Variants in FASN observed in about 807,000 individuals in gnomAD.
The protein encoded by FASN is fatty acid synthase.
A neutral mutation model predicts 250.0 loss-of-function variants in FASN; 50 were observed. The observed-to-expected ratio is 0.20, with a 90% CI of 0.16 to 0.25. FASN has a LOEUF of 0.25. Ranked by LOEUF, FASN falls within the 10% of genes least tolerant of loss-of-function variation. FASN has a pLI of 1.00. For synonymous variants in FASN, 1,909 were observed against 1,584.0 expected, an observed-to-expected ratio of 1.21 and a Z score of -4.87; for missense variants, 3,031 against 3,498.5, an observed-to-expected ratio of 0.87 and a Z score of 3.37.
chr17:82,087,895 C>T (rs201797623), intron 18 of FASN, 34 bp from the exon 19 acceptor site: 82 of 1,612,374 alleles, frequency 5.1e-5, no homozygotes, highest in African/African-American at 1.9e-4. Context: ...GGCCTGAGGA[C>T]GGGCGGCATG....
Position 82,092,521 on chromosome 17 carries a change from G to C in FASN, c.963C>G (p.Leu321=). 1 of 1,605,136 alleles carries C rather than the reference G, an allele frequency of 6.2e-7. No homozygotes were observed. The highest frequency in any genetic ancestry group is 1.1e-5 in the South Asian group (1 of 90,150). Residue 321 remains leucine, a synonymous_variant, in exon 8 of 43, where the codon CTC becomes CTG. Transcript: ENST00000306749. ...ALCATRQEPL[L]IGSTKSNMGH... is the part of the protein sequence containing the mutation. ...CCATGTTGGACTTGGTGGAGCCGATGAGCAGCGGCTCCTGGCGGGTGGCGC... is the reference window on the plus strand; with the variant it reads ...CCATGTTGGACTTGGTGGAGCCGATCAGCAGCGGCTCCTGGCGGGTGGCGC...
rs546448772 is a variant in FASN, at chr17:82,084,414, G to A, written c.4769-30C>T. 65 of 1,593,516 alleles carry A rather than the reference G, an allele frequency of 4.1e-5. 1 individual carries two copies. The South Asian group carries it at 4.9e-4, about 12-fold the overall frequency. ...GGGAGACGGCACTGAGCCCCTCACC[G>A]CCTGCCCTTCCCTCCCGAGGGGCTC... is the stretch of plus-strand genomic sequence containing the variant. On this transcript the variant is annotated intron_variant, in intron 27 of 42. Coordinates refer to ENST00000306749, the MANE Select transcript of FASN (RefSeq NM_004104.5).
In FASN at chr17:82,083,176, C is replaced by T. The variant is rs200963051; in HGVS notation, c.5565+26G>A. ...CCTGGGGACCAGAGCCTGGGGTGCC[C>T]GAGGCGCCGGGACTCCTCCCCTCAC... On this transcript the variant is annotated intron_variant, in intron 32 of 42. Coordinates refer to ENST00000306749, the MANE Select transcript of FASN (RefSeq NM_004104.5). 4.1e-5 allele frequency: 66 copies of T among 1,611,586 alleles called. No homozygotes were observed. The African/African-American group carries it at 5.2e-4, about 13-fold the overall frequency.
In FASN at chr17:82,083,029, G is replaced by C. The variant is rs199979735; in HGVS notation, c.5652C>G (p.His1884Gln). The C allele has an allele frequency of 1.2e-6, 2 of 1,612,932 alleles. No homozygotes were observed. The highest frequency in any genetic ancestry group is 3.3e-5 in the Admixed American group (2 of 60,024). The change falls in exon 33 of 43, where the codon CAC (histidine) becomes CAG (glutamine). Residue 1884 changes from histidine (H) to glutamine (Q), a missense_variant. Transcript: ENST00000306749. The stretch of plus-strand genomic sequence containing the variant: ...GACCACCAGCGATGATGTAGCTCTT[G>C]TGGGCCGGGCAGAAGGTCTTGGAGA... Reference protein sequence around the residue: ...SAISKTFCPAHKSYIIAGGLG... With the variant: ...SAISKTFCPAQKSYIIAGGLG...
chr17:82,085,843 G>A lies in FASN; in HGVS notation c.3761C>T (p.Ser1254Phe). 1.9e-6 allele frequency: 3 copies of A among 1,552,678 alleles called. No homozygotes were observed. Among genetic ancestry groups the A allele is most frequent in the Non-Finnish European group, 1.7e-6 (2 of 1,154,382 alleles). ...EVLAGHGHLY[S>F]RIPGLLSPHP... Reference sequence around the variant, plus strand: ...GGGGCTGAGCAGGCCTGGGATGCGGGAATACAGGTGACCGTGGCCAGCCAG... The same window carrying A: ...GGGGCTGAGCAGGCCTGGGATGCGGAAATACAGGTGACCGTGGCCAGCCAG... The change falls in exon 23 of 43, where the codon TCC becomes TTC. Residue 1254 changes from serine (S) to phenylalanine (F), a missense_variant. Transcript: ENST00000306749.
rs544116029 is a variant in FASN, at chr17:82,089,047, A to G, written c.2226T>C (p.Pro742=). The change falls in exon 14 of 43, where the codon CCT becomes CCC. Residue 742 remains proline, a synonymous_variant. Coordinates refer to ENST00000306749, the MANE Select transcript of FASN (RefSeq NM_004104.5). ...AEYNVNNLVS[P]VLFQEALWHV... ...GCCACAGGGCCTCCTGGAACAGCAC[A>G]GGGCTCACCAGGTTGTTGACATTGT... 9 of 1,602,850 alleles carry G rather than the reference A, an allele frequency of 5.6e-6. No individual in the cohort carries two copies. Among genetic ancestry groups the G allele is most frequent in the East Asian group, 2.3e-5 (1 of 43,974 alleles).
chr17:82,086,632 A>G (rs1327680069), intron 21 of FASN, 74 bp from the exon 22 acceptor site: 1 of 1,163,396 alleles, frequency 8.6e-7, no homozygotes, highest in Non-Finnish European at 1.3e-6. Context: ...TCTCAGACCC[A>G]CTCTGTCCTT....
intron 13 of FASN, 38 bp from the exon 14 acceptor site, chr17:82,089,210 C>T (rs755055616): frequency 1.2e-6 from 2 of 1,606,526 alleles, no homozygotes; most frequent in South Asian, 1.1e-5. Context: ...GTTGTGGGTC[C>T]CCTGGCCCGC....
Position 82,082,388 on chromosome 17 carries a change from G to T in FASN, c.5946C>A (p.Asn1982Lys). Residue 1982 changes from asparagine (N) to lysine (K), a missense_variant, in exon 35 of 43, where the codon AAC becomes AAA. Asn to Lys is a moderately conservative substitution (Grantham distance 94). Transcript: ENST00000306749. ...AVVLRDGLLENQTPEFFQDVC... is the reference protein window; with the variant it reads ...AVVLRDGLLEKQTPEFFQDVC... ...CGTCCTGGAAGAACTCTGGGGTCTGGTTCTCCAGCAAGCCATCTCTCAAGA... is the reference window on the plus strand; with the variant it reads ...CGTCCTGGAAGAACTCTGGGGTCTGTTTCTCCAGCAAGCCATCTCTCAAGA... 2 of 1,612,868 alleles carry T rather than the reference G, an allele frequency of 1.2e-6. No homozygotes were observed. The highest frequency in any genetic ancestry group is 1.7e-6 in the Non-Finnish European group (2 of 1,179,990).
At chr17:82,080,050 C>A in intron 41 of FASN, 90 bp downstream of exon 41, 2 of 1,385,608 alleles carry the variant, frequency 1.4e-6, no homozygotes, top group African/African-American at 1.4e-5. Context: ...GCCTTTAACG[C>A]TCTTCGCGTC....
Position 82,089,058 on chromosome 17 carries a change from G to A in FASN, c.2215C>T (p.Leu739=), listed in dbSNP as rs1394327802. 6.2e-7 allele frequency: 1 copy of A among 1,600,554 alleles called. No individual in the cohort carries two copies. Among genetic ancestry groups the A allele is most frequent in the South Asian group, 1.1e-5 (1 of 89,192 alleles). ...TSSAEYNVNN[L]VSPVLFQEAL... is the part of the protein sequence containing the mutation. ...TCCTGGAACAGCACAGGGCTCACCA[G>A]GTTGTTGACATTGTACTCGGCGGAG... Residue 739 remains leucine, a synonymous_variant, in exon 14 of 43, where the codon CTG becomes TTG. Transcript: ENST00000306749.
Position 82,084,020 on chromosome 17 carries a change from T to C in FASN, c.5053A>G (p.Ile1685Val), listed in dbSNP as rs899592172. 204 of 1,539,734 alleles carry C rather than the reference T, an allele frequency of 1.3e-4. No homozygotes were observed. The highest frequency in any genetic ancestry group is 1.7e-4 in the Non-Finnish European group (196 of 1,145,442). Residue 1685 changes from isoleucine (I) to valine (V), a missense_variant, in exon 29 of 43, where the codon ATC (isoleucine) becomes GTC (valine). Ile to Val is a conservative substitution (Grantham distance 29, BLOSUM62 3). Coordinates refer to ENST00000306749, the MANE Select transcript of FASN (RefSeq NM_004104.5). ...CAGCCCAGACTGAGGGCGATGGCGA[T>C]GGCGGCCTGGCCCACGCCGCCCGAG... The part of the protein sequence containing the change: ...SGSGGVGQAA[I>V]AIALSLGCRV...
rs1183232681 is a variant in FASN at position 82,078,668 on chromosome 17, C to T, written c.*475G>A. On this transcript the variant is annotated 3_prime_UTR_variant, in exon 43 of 43. Transcript: ENST00000306749. This position sits in a 1 kb window ranked among gnomAD's most constrained non-coding sequence, Gnocchi z 5.4. ...TCAGCGGGCTGAGCCAATGCCTGGC[C>T]GAGAGGGGGCCGCAGCCAGCAGGCT... 1.7e-5 allele frequency: 4 copies of T among 238,110 alleles called. No homozygotes were observed. Among genetic ancestry groups the T allele is most frequent in the East Asian group, 1.1e-4 (1 of 8,820 alleles). 14.7% of individuals were successfully genotyped at this position (238,110 alleles called of 1,614,324 possible).
Position 82,089,636 on chromosome 17 carries a change from G to A in FASN, c.1961C>T (p.Pro654Leu), listed in dbSNP as rs2034166994. The A allele has an allele frequency of 6.9e-6, 11 of 1,599,606 alleles. No individual in the cohort carries two copies. Among genetic ancestry groups the A allele is most frequent in the Non-Finnish European group, 8.5e-6 (10 of 1,173,956 alleles). Residue 654 changes from proline to leucine, a missense_variant, in exon 12 of 43, where the codon CCT (proline) becomes CTT (leucine). By Grantham distance (98) the Pro-to-Leu change is moderately conservative. Transcript: ENST00000306749. ...CGCCCAGGCCGCAGCACCCACCTGA[G>A]GTCCCGAGATGGTGACTGTGTCCTT... Reference protein sequence around the residue: ...NSKDTVTISGPQAPVFEFVEQ... With the variant: ...NSKDTVTISGLQAPVFEFVEQ...
chr17:82,087,664 A>G (rs760189391), intron 19 of FASN, 21 bp downstream of exon 19: 2 of 1,609,812 alleles, frequency 1.2e-6, no homozygotes, highest in South Asian at 1.1e-5. Flanking sequence ...TGGCTTGGGC[A>G]GCAGTGTAGT....
rs2033983057 is a variant in FASN at position 82,081,319 on chromosome 17, C to T, written c.6440G>A (p.Ser2147Asn). The T allele has an allele frequency of 6.4e-7, 1 of 1,557,502 alleles. No homozygotes were observed. Among genetic ancestry groups the T allele is most frequent in the South Asian group, 1.2e-5 (1 of 84,958 alleles). The change falls in exon 38 of 43, where the codon AGC (serine) becomes AAC (asparagine). Residue 2147 changes from serine (S) to asparagine (N), a missense_variant. By Grantham distance (46) the Ser-to-Asn change is conservative. Transcript: ENST00000306749. ...GTCCAGGCCCAGGTCCGCCAGTGAG[C>T]TGTCCAGGTTGACAGCAGCCAAGTC... ...IRDLAAVNLD[S>N]SLADLGLDSL...
At chr17:82,095,914 G>T (rs2034294860) in intron 2 of FASN, among the ~76,000 whole-genome samples, 1 of 152,226 alleles carries the variant, frequency 6.6e-6, no homozygotes, top group African/African-American at 2.4e-5. Flanking sequence ...ACAGGCAGGG[G>T]CAGCCTGGCC....
intron 42 of FASN, 25 bp from the exon 43 acceptor site, chr17:82,079,305 G>A (rs368169685): frequency 1.4e-5 from 23 of 1,612,870 alleles, no homozygotes; most frequent in South Asian, 5.5e-5. Flanking sequence ...ATCAGCTGCC[G>A]TCCCACCCCA....
chr17:82,098,052 CACCCCGGGA>C (rs2034333962), intron 1 of FASN, 60 bp downstream of exon 1: 1 of 322,432 alleles, frequency 3.1e-6, no homozygotes, highest in Non-Finnish European at 5.7e-6. Context: ...GGAGCCGGGC[CACCCCGGGA>C]ACCCCGGGCC....
Sources: gnomAD v4.1 joint callset for allele counts (sites outside exome capture counted in the v4.1 genomes callset) on GRCh38, gnomAD v4.1.1 for gene constraint, Gnocchi (gnomAD v3.1) non-coding constraint, MANE v1.5 for transcripts, NCBI Gene and HGNC (gene_info 2026-07-23, HGNC 2026-07-21) for gene names.